Variants in RELN observed in about 807,000 individuals in gnomAD.
RELN encodes reelin.
RELN carries 108 observed loss-of-function variants against 427.6 expected under a neutral mutation model. That is an observed-to-expected ratio of 0.25 (90% CI 0.22 to 0.30). The LOEUF is 0.30. Ranked by LOEUF, RELN falls within the 10% of genes least tolerant of loss-of-function variation. The pLI is 1.00. For synonymous variants in RELN, 1,524 were observed against 1,513.4 expected (o/e 1.01, Z -0.16); for missense variants, 3,715 against 4,302.8 (o/e 0.86, Z 3.82).
intron 3 of RELN, among the ~76,000 whole-genome samples, chr7:103,784,987 T>C (rs993432528): frequency 1.3e-5 from 2 of 152,146 alleles, no homozygotes; most frequent in Non-Finnish European, 2.9e-5. Flanking sequence ...TAAGAAACAC[T>C]ATGAAAAAGA....
Position 103,988,989 on chromosome 7 carries a change from C to T in RELN, c.226+142G>A. On this transcript the variant is annotated intron_variant, in intron 1 of 64. Coordinates refer to ENST00000428762, the MANE Select transcript of RELN (RefSeq NM_005045.4). The surrounding 1 kb of genome is among the most constrained non-coding windows in gnomAD (Gnocchi z 4.9). ...CCATTCTCCACTAACTTTATTCTCG[C>T]TCCCTGGACCAAGCGCATCGCTGGG... 1.4e-6 allele frequency: 1 copy of T among 730,510 alleles called. No individual in the cohort carries two copies. Among genetic ancestry groups the T allele is most frequent in the African/African-American group, 1.8e-5 (1 of 57,040 alleles). The allele number at this position is 730,510 out of a possible 1,614,324, so 45.3% of individuals were successfully genotyped here. A position where few individuals can be genotyped will look rare whatever the true frequency, so the allele number is the denominator to read the frequency against.
chr7:103,864,449 T>A (rs1794146007), intron 2 of RELN, among the ~76,000 whole-genome samples: 2 of 152,106 alleles, frequency 1.3e-5, no homozygotes, highest in African/African-American at 4.8e-5. Flanking sequence ...CAGCAACCGT[T>A]TCCCCCTCCT....
chr7:103,755,941 T>C (rs1791139973), intron 4 of RELN, among the ~76,000 whole-genome samples: 1 of 152,124 alleles, frequency 6.6e-6, no homozygotes, highest in Non-Finnish European at 1.5e-5. Flanking sequence ...CTACACAGTA[T>C]GGAACTTTTC....
intron 6 of RELN, among the ~76,000 whole-genome samples, chr7:103,737,673 C>A (rs1199790992): frequency 6.6e-6 from 1 of 152,198 alleles, no homozygotes; most frequent in African/African-American, 2.4e-5. Flanking sequence ...AATCACCAAT[C>A]TTTTTCCTTA....
chr7:103,603,187 T>G lies in RELN; in HGVS notation c.3333+117A>C. 1.2e-6 allele frequency: 1 copy of G among 863,842 alleles called. No individual in the cohort carries two copies. Among genetic ancestry groups the G allele is most frequent in the Non-Finnish European group, 2.0e-6 (1 of 507,364 alleles). 53.5% of individuals were successfully genotyped at this position (863,842 alleles called of 1,614,324 possible). On this transcript the variant is annotated intron_variant, in intron 24 of 64. Coordinates refer to ENST00000428762, the MANE Select transcript of RELN (RefSeq NM_005045.4). This position sits in a 1 kb window ranked among gnomAD's most constrained non-coding sequence, Gnocchi z 4.3. ...GGAATAGGAATTTGATAGAGCCCAC[T>G]CAAAAGCGGGGAACGTGGGGAACAA...
intron 2 of RELN, among the ~76,000 whole-genome samples, chr7:103,916,677 G>C (rs570218431): frequency 1.3e-5 from 2 of 152,202 alleles, no homozygotes; most frequent in African/African-American, 4.8e-5. Flanking sequence ...ATGTTCAGTT[G>C]CCAGATTTAA....
chr7:103,908,163 C>A (rs1395822384), intron 2 of RELN, among the ~76,000 whole-genome samples: 3 of 152,120 alleles, frequency 2.0e-5, no homozygotes, highest in African/African-American at 7.2e-5. Flanking sequence ...CTGATCCAGG[C>A]TCTAGGGGAG....
intron 6 of RELN, among the ~76,000 whole-genome samples, chr7:103,745,835 T>A (rs1420487056): frequency 1.3e-5 from 2 of 152,146 alleles, no homozygotes; most frequent in Admixed American, 1.3e-4. Context: ...AAAATGGCCA[T>A]ACTGCCCAAG....
At chr7:103,513,594 T>A (rs555137935) in intron 50 of RELN, 1 of 152,312 alleles carries the variant, frequency 6.6e-6, no homozygotes, top group East Asian at 1.9e-4. Context: ...TACAAGTTTT[T>A]TTTAAACGAG....
At chr7:103,532,464 A>T (rs1473318887) in intron 46 of RELN, among the ~76,000 whole-genome samples, 1 of 105,852 alleles carries the variant, frequency 9.4e-6, no homozygotes, top group African/African-American at 4.9e-5. Flanking sequence ...GCTGGAAATG[A>T]AAAAAAAAAG....
chr7:103,959,984 T>C (rs1433619683), intron 1 of RELN, among the ~76,000 whole-genome samples: 1 of 152,152 alleles, frequency 6.6e-6, no homozygotes, highest in African/African-American at 2.4e-5. Flanking sequence ...TTGCCAACCA[T>C]AGTATTACAA....
At chr7:103,684,710 A>G (rs1833727456) in intron 10 of RELN, among the ~76,000 whole-genome samples, 1 of 152,148 alleles carries the variant, frequency 6.6e-6, no homozygotes, top group African/African-American at 2.4e-5. Context: ...AATGGAACCA[A>G]TAATATCTAC....
At chr7:103,519,597 T>C (rs1829654049) in intron 48 of RELN, 81 bp from the exon 49 acceptor site, 11 of 1,147,778 alleles carry the variant, frequency 9.6e-6, no homozygotes, top group Non-Finnish European at 1.4e-5. Context: ...TTTTTTTTTT[T>C]TTTGAGACAG....
chr7:103,662,846 T>G (rs1833174794), intron 11 of RELN, among the ~76,000 whole-genome samples: 1 of 152,170 alleles, frequency 6.6e-6, no homozygotes, highest in Non-Finnish European at 1.5e-5. Context: ...CTCCTTTGTT[T>G]AAAGTCTTTC....
rs1832323602 is a variant in RELN, at chr7:103,626,102, TCA to T, written c.2702+3836_2702+3837del. Among the ~76,000 whole-genome samples the T allele has an allele frequency of 6.6e-6, 1 of 152,062 alleles. No homozygotes were observed. The highest frequency in any genetic ancestry group is 6.6e-5 in the Admixed American group (1 of 15,248). On this transcript the variant is annotated intron_variant, in intron 20 of 64. Transcript: ENST00000428762. The surrounding 1 kb of genome is among the most constrained non-coding windows in gnomAD (Gnocchi z 4.4). ...GTTTGTCATACATTACTAACAAAACTCAGTTATTTCCTCTTTTGATAAAGTTG... is the reference window on the plus strand; with the variant it reads ...GTTTGTCATACATTACTAACAAAACTGTTATTTCCTCTTTTGATAAAGTTG...
intron 3 of RELN, among the ~76,000 whole-genome samples, chr7:103,777,628 CTTG>C (rs1206250279): frequency 3.3e-5 from 5 of 152,140 alleles, no homozygotes; most frequent in East Asian, 1.9e-4. Flanking sequence ...CGGTCAACAT[CTTG>C]TTGTTTGCTG....
chr7:103,879,081 C>T (rs1006735962), intron 2 of RELN, among the ~76,000 whole-genome samples: 1 of 152,162 alleles, frequency 6.6e-6, no homozygotes, highest in African/African-American at 2.4e-5. Context: ...TAACTACATC[C>T]TCTTCAGACA....
intron 2 of RELN, among the ~76,000 whole-genome samples, chr7:103,898,928 C>A (rs1423095327): frequency 1.3e-5 from 2 of 151,888 alleles, no homozygotes; most frequent in East Asian, 3.9e-4. Context: ...AAGATTAAGC[C>A]ATTCTTATAG....
At chr7:103,829,666 T>A (rs984717051) in intron 3 of RELN, among the ~76,000 whole-genome samples, 1 of 151,912 alleles carries the variant, frequency 6.6e-6, no homozygotes, top group African/African-American at 2.4e-5. Context: ...CTCACTTGAT[T>A]ATTTTTAACA....
Sources: allele counts gnomAD v4.1 joint callset (sites outside exome capture counted in the v4.1 genomes callset), GRCh38; gene constraint gnomAD v4.1.1; non-coding constraint Gnocchi (gnomAD v3.1); transcripts MANE v1.5; gene names NCBI Gene and HGNC (gene_info 2026-07-23, HGNC 2026-07-21).